PTPRZ1: variants seen among roughly 807,000 people sequenced by gnomAD.
PTPRZ1 encodes protein tyrosine phosphatase receptor type Z1.
In PTPRZ1, 82 loss-of-function variants were observed where a neutral mutation model predicts 214.1. The observed-to-expected ratio is 0.38, with a 90% confidence interval of 0.32 to 0.46. The LOEUF (loss-of-function observed/expected upper bound fraction) is 0.46. Ranked by LOEUF, PTPRZ1 falls within the 20% of genes least tolerant of loss-of-function variation. The probability of loss-of-function intolerance (pLI) is 1.00; values close to 1 mark genes in which losing one functional copy is unlikely to be tolerated. For missense variants in PTPRZ1, 2,603 were observed against 2,748.7 expected (o/e 0.95, Z 1.19); for synonymous variants, 945 against 987.9 (o/e 0.96, Z 0.81).
At chr7:121,879,176 T>G (rs1794155312) in intron 1 of PTPRZ1, among the ~76,000 whole-genome samples, 2 of 152,228 alleles carry the variant, frequency 1.3e-5, no homozygotes, top group Admixed American at 1.3e-4. Context: ...GTTCCTGTGA[T>G]TGATACTGAG....
At chr7:121,976,058 A>G (rs1163069995) in intron 4 of PTPRZ1, 115 bp from the exon 5 acceptor site, 8 of 580,572 alleles carry the variant, frequency 1.4e-5, no homozygotes, top group African/African-American at 1.3e-4. Context: ...TAGCAAATGT[A>G]GTTGTATACA....
chr7:121,936,264 A>G (rs1039807013), intron 2 of PTPRZ1, among the ~76,000 whole-genome samples: 42 of 152,314 alleles, frequency 2.8e-4, no homozygotes, highest in African/African-American at 8.9e-4. Flanking sequence ...TATTAAGTGA[A>G]GCATATTTTA....
intron 11 of PTPRZ1, 89 bp downstream of exon 11, chr7:122,004,749 T>C: frequency 1.4e-6 from 1 of 736,424 alleles, no homozygotes; most frequent in South Asian, 1.7e-5. Context: ...GCCACATGAA[T>C]AGAAGTTGTG....
At chr7:121,968,363 A>G (rs1263376588) in intron 3 of PTPRZ1, among the ~76,000 whole-genome samples, 2 of 152,180 alleles carry the variant, frequency 1.3e-5, no homozygotes, top group Admixed American at 1.3e-4. Context: ...AGGTAACAAT[A>G]ATGATGCTGC....
chr7:122,057,545 CA>C (rs1391701744), intron 27 of PTPRZ1, among the ~76,000 whole-genome samples: 1 of 150,946 alleles, frequency 6.6e-6, no homozygotes, highest in Admixed American at 6.6e-5. Context: ...ACTGATTTAT[CA>C]GAGGTCTCGT....
chr7:121,955,480 G>A (rs761869216), intron 2 of PTPRZ1, among the ~76,000 whole-genome samples: 8 of 151,854 alleles, frequency 5.3e-5, no homozygotes, highest in South Asian at 2.1e-4. Flanking sequence ...TGCATTTGCC[G>A]TCTCATTGGT....
intron 1 of PTPRZ1, among the ~76,000 whole-genome samples, chr7:121,907,376 A>T (rs543373125): frequency 6.6e-6 from 1 of 152,134 alleles, no homozygotes; most frequent in South Asian, 2.1e-4. Context: ...ATTTTACCTA[A>T]TTATATGTGG....
intron 27 of PTPRZ1, among the ~76,000 whole-genome samples, chr7:122,057,702 A>T (rs184910864): frequency 6.1e-4 from 81 of 133,610 alleles, no homozygotes; most frequent in Admixed American, 1.2e-3. Flanking sequence ...TTTAATCTAT[A>T]TGAATGTATT....
In PTPRZ1 at chr7:121,873,440, T is replaced by C; in HGVS notation, c.-60T>C. 1 of 1,554,760 alleles carries C rather than the reference T, an allele frequency of 6.4e-7. No homozygotes were observed. Among genetic ancestry groups the C allele is most frequent in the Non-Finnish European group, 8.8e-7 (1 of 1,130,548 alleles). ...AAAAAAACATTTCCTTCGCTCCCCC[T>C]CCCTCTCCACTCTGAGAAGCAGAGG... On this transcript the variant is annotated 5_prime_UTR_variant, in exon 1 of 30. Coordinates refer to ENST00000393386, the MANE Select transcript of PTPRZ1 (RefSeq NM_002851.3).
chr7:121,975,711 G>A (rs1224433927), intron 4 of PTPRZ1, among the ~76,000 whole-genome samples: 2 of 152,088 alleles, frequency 1.3e-5, no homozygotes, highest in Admixed American at 6.5e-5. Context: ...CCTCACAGCT[G>A]GAAAGGAGAA....
At chr7:121,968,427 TAGTC>T (rs1193042970) in intron 3 of PTPRZ1, among the ~76,000 whole-genome samples, 2 of 152,216 alleles carry the variant, frequency 1.3e-5, no homozygotes, top group Non-Finnish European at 2.9e-5. Context: ...GTCAATTACT[TAGTC>T]AATCAGGATT....
At chr7:121,998,029 A>G (rs753281861) in intron 10 of PTPRZ1, 23 bp downstream of exon 10, 17 of 1,602,154 alleles carry the variant, frequency 1.1e-5, no homozygotes, top group Admixed American at 1.7e-5. Context: ...AGATACATCT[A>G]TATATTAACT....
Position 122,040,934 on chromosome 7 carries a change from C to A in PTPRZ1, c.5756C>A (p.Ala1919Asp). 6.3e-7 allele frequency: 1 copy of A among 1,598,400 alleles called. No homozygotes were observed. The highest frequency in any genetic ancestry group is 8.6e-7 in the Non-Finnish European group (1 of 1,168,546). ...GTGCTGACCTTTGTGAGAAAGGCAG[C>A]CTATGCCAAGCGCCATGCAGTGGGG... ...LPVLTFVRKAAYAKRHAVGPV... is the reference protein window; with the variant it reads ...LPVLTFVRKADYAKRHAVGPV... Residue 1919 changes from alanine (A) to aspartate (D), a missense_variant, in exon 21 of 30, where the codon GCC becomes GAC. Transcript: ENST00000393386.
At chr7:121,970,045 T>C (rs1797187357) in intron 3 of PTPRZ1, among the ~76,000 whole-genome samples, 1 of 147,378 alleles carries the variant, frequency 6.8e-6, no homozygotes, top group Non-Finnish European at 1.5e-5. Flanking sequence ...AGTGAGAACA[T>C]GCGGTGTTTG....
intron 10 of PTPRZ1, among the ~76,000 whole-genome samples, chr7:122,001,796 T>C (rs1402840822): frequency 6.6e-6 from 1 of 152,192 alleles, no homozygotes; most frequent in Admixed American, 6.5e-5. Context: ...GTCAACAGTT[T>C]TTGTTCAGTT....
intron 12 of PTPRZ1, among the ~76,000 whole-genome samples, chr7:122,016,698 A>G (rs1798850887): frequency 6.6e-6 from 1 of 151,744 alleles, no homozygotes; most frequent in Non-Finnish European, 1.5e-5. Context: ...TCTTACATAT[A>G]TGACATATAT....
intron 2 of PTPRZ1, among the ~76,000 whole-genome samples, chr7:121,952,306 C>A (rs1304890845): frequency 6.6e-6 from 1 of 151,772 alleles, no homozygotes; most frequent in East Asian, 1.9e-4. Context: ...ATAATAAAGA[C>A]TTGAAGGTAG....
At chr7:121,942,418 G>A (rs558071810) in intron 2 of PTPRZ1, among the ~76,000 whole-genome samples, 3 of 152,206 alleles carry the variant, frequency 2.0e-5, no homozygotes, top group Non-Finnish European at 4.4e-5. Context: ...TTTCTGTGGA[G>A]ATAATGAAGA....
rs781671354 is a variant in PTPRZ1 at position 121,984,053 on chromosome 7, A to G, written c.864A>G (p.Gln288=). Residue 288 remains glutamine (Q), a synonymous_variant, in exon 8 of 30, where the codon CAA becomes CAG. Coordinates refer to ENST00000393386, the MANE Select transcript of PTPRZ1 (RefSeq NM_002851.3). ...MDYLQNNFRE[Q]QYKFSRQVFS... ...ACTTACAAAACAATTTTCGAGAGCA[A>G]CAGTACAAGTTCTCTAGACAGGTGT... The G allele has an allele frequency of 2.5e-6, 4 of 1,613,472 alleles. No individual in the cohort carries two copies. Among genetic ancestry groups the G allele is most frequent in the Admixed American group, 3.3e-5 (2 of 59,998 alleles).
Sources: gnomAD v4.1 joint callset for allele counts (sites outside exome capture counted in the v4.1 genomes callset) on GRCh38, gnomAD v4.1.1 for gene constraint, MANE v1.5 for transcripts, NCBI Gene and HGNC (gene_info 2026-07-23, HGNC 2026-07-21) for gene names.